The following TBCA variants were observed in gnomAD, a reference collection of about 807,000 sequenced individuals.
TBCA encodes tubulin-specific chaperone A.
In TBCA, 6 loss-of-function variants were observed where a neutral mutation model predicts 15.8. That is an observed-to-expected ratio of 0.38 (90% CI 0.21 to 0.75). The LOEUF (loss-of-function observed/expected upper bound fraction) is 0.75, where lower values mean the gene tolerates loss of function less well. Among genes scored for constraint, TBCA ranks in the 30% least tolerant of loss-of-function variants. The pLI is 0.46. For synonymous variants in TBCA, 32 were observed against 42.3 expected, an observed-to-expected ratio of 0.76 and a Z score of 0.94; for missense variants, 90 against 131.2, an observed-to-expected ratio of 0.69 and a Z score of 1.53.
At chr5:77,712,705 T>C (rs930677498) in intron 1 of TBCA, among the ~76,000 whole-genome samples, 27 of 152,308 alleles carry the variant, frequency 1.8e-4, no homozygotes, top group Non-Finnish European at 3.7e-4. Context: ...AGCAGCAAAG[T>C]GTAACCTCAA....
chr5:77,764,624 G>A (rs1475106591), intron 1 of TBCA, among the ~76,000 whole-genome samples: 2 of 152,094 alleles, frequency 1.3e-5, no homozygotes. Context: ...TATATATTTG[G>A]GGAAATGTTT....
chr5:77,714,883 G>A lies in TBCA; in HGVS notation c.54-6536C>T, dbSNP rs573124956. On this transcript the variant is annotated intron_variant, in intron 1 of 3. Transcript: ENST00000380377. ...ACCCGGCCAACAATTATTTATTAAA[G>A]GGCTACTATGTGCCAGGTATGATTT... Among the ~76,000 whole-genome samples, 8 of 152,224 alleles carry A rather than the reference G, an allele frequency of 5.3e-5. No individual in the cohort carries two copies. The South Asian group carries it at 1.7e-3, about 32-fold the overall frequency.
At chr5:77,731,507 T>C (rs1266751398) in intron 1 of TBCA, among the ~76,000 whole-genome samples, 2 of 152,220 alleles carry the variant, frequency 1.3e-5, no homozygotes, top group African/African-American at 4.8e-5. Flanking sequence ...TTAAGTGTCA[T>C]CCAATCCTAT....
At chr5:77,696,918 C>G (rs1745884743) in intron 2 of TBCA, among the ~76,000 whole-genome samples, 1 of 152,008 alleles carries the variant, frequency 6.6e-6, no homozygotes, top group Non-Finnish European at 1.5e-5. Flanking sequence ...GACCTTGCCT[C>G]TAAAAAGCCA....
chr5:77,773,639 T>G lies in TBCA; in HGVS notation c.53+2566A>C, dbSNP rs369491806. Reference sequence around the variant, plus strand: ...GCTGTGCATTTAACTCCTACTCACATGGTCTCCTTATTGCCTTGGCAATAA... The same window carrying G: ...GCTGTGCATTTAACTCCTACTCACAGGGTCTCCTTATTGCCTTGGCAATAA... On this transcript the variant is annotated intron_variant, in intron 1 of 3. Coordinates refer to ENST00000380377, the MANE Select transcript of TBCA (RefSeq NM_004607.3). Among the ~76,000 whole-genome samples, 123 of 152,366 alleles carry G rather than the reference T, an allele frequency of 8.1e-4. 1 individual carries two copies. In the South Asian group the frequency reaches 0.019, roughly 23 times the overall value.
At chr5:77,756,005 C>T (rs1397767628) in intron 1 of TBCA, among the ~76,000 whole-genome samples, 1 of 151,974 alleles carries the variant, frequency 6.6e-6, no homozygotes, top group Non-Finnish European at 1.5e-5. Context: ...AACTTTATCT[C>T]AAAAAACAAC....
intron 1 of TBCA, among the ~76,000 whole-genome samples, chr5:77,712,575 T>TA (rs1022674121): frequency 2.0e-5 from 3 of 152,014 alleles, no homozygotes; most frequent in East Asian, 3.8e-4. Context: ...TAAAAAATTA[T>TA]AAAAAAACAA....
chr5:77,707,321 T>G (rs1422807242), intron 2 of TBCA, among the ~76,000 whole-genome samples: 1 of 152,146 alleles, frequency 6.6e-6, no homozygotes, highest in Non-Finnish European at 1.5e-5. Flanking sequence ...TGAGAATGAA[T>G]GTTCAATATA....
At chr5:77,760,570 G>A (rs903027573) in intron 1 of TBCA, among the ~76,000 whole-genome samples, 9 of 152,218 alleles carry the variant, frequency 5.9e-5, no homozygotes, top group African/African-American at 9.6e-5. Flanking sequence ...TTACAGGCAC[G>A]CGCCACCACG....
intron 1 of TBCA, among the ~76,000 whole-genome samples, chr5:77,765,896 A>G (rs959403385): frequency 1.1e-4 from 16 of 151,666 alleles, no homozygotes; most frequent in East Asian, 1.9e-4. Flanking sequence ...AAAAAAAAAA[A>G]AAAAGAAAAC....
chr5:77,728,502 C>A (rs1001207756), intron 1 of TBCA, among the ~76,000 whole-genome samples: 1 of 151,852 alleles, frequency 6.6e-6, no homozygotes, highest in African/African-American at 2.4e-5. Context: ...AGGAAAGAAC[C>A]ATGTAAACCA....
intron 1 of TBCA, among the ~76,000 whole-genome samples, chr5:77,734,509 A>C (rs1196376090): frequency 6.6e-6 from 1 of 152,208 alleles, no homozygotes; most frequent in Non-Finnish European, 1.5e-5. Flanking sequence ...GTCACTGTAG[A>C]TGTGGTAGAA....
At chr5:77,756,210 A>T (rs1747473827) in intron 1 of TBCA, among the ~76,000 whole-genome samples, 2 of 151,924 alleles carry the variant, frequency 1.3e-5, no homozygotes, top group African/African-American at 2.4e-5. Flanking sequence ...AGTCATTTCC[A>T]CCCTCCTACG....
intron 1 of TBCA, among the ~76,000 whole-genome samples, chr5:77,710,401 A>G (rs957021853): frequency 3.3e-5 from 5 of 152,254 alleles, no homozygotes; most frequent in Non-Finnish European, 7.3e-5. Context: ...TGCATATCAC[A>G]AAAGATATTT....
intron 1 of TBCA, among the ~76,000 whole-genome samples, chr5:77,750,139 T>TCTCC: frequency 7.0e-6 from 1 of 143,000 alleles, no homozygotes. Flanking sequence ...GTGCTCTCTC[T>TCTCC]CTATATATAT....
intron 1 of TBCA, among the ~76,000 whole-genome samples, chr5:77,724,399 C>T (rs1052865786): frequency 6.6e-6 from 1 of 152,034 alleles, no homozygotes; most frequent in Non-Finnish European, 1.5e-5. Context: ...TCAACACACA[C>T]CTATATTTTA....
intron 1 of TBCA, among the ~76,000 whole-genome samples, chr5:77,719,988 C>G (rs1056252506): frequency 2.6e-5 from 4 of 152,134 alleles, no homozygotes; most frequent in African/African-American, 9.7e-5. Context: ...ACAAATCTGT[C>G]TGTACATTTG....
chr5:77,731,579 T>C (rs1194124281), intron 1 of TBCA, among the ~76,000 whole-genome samples: 1 of 152,214 alleles, frequency 6.6e-6, no homozygotes, highest in East Asian at 1.9e-4. Context: ...GCAGTGTTCA[T>C]CTCTTTCTTA....
intron 1 of TBCA, among the ~76,000 whole-genome samples, chr5:77,748,582 TA>T (rs1451053315): frequency 6.6e-6 from 1 of 152,112 alleles, no homozygotes; most frequent in Non-Finnish European, 1.5e-5. Context: ...GTTCTTATCT[TA>T]AAATTTACAA....
Sources: allele counts gnomAD v4.1 joint callset (sites outside exome capture counted in the v4.1 genomes callset), GRCh38; gene constraint gnomAD v4.1.1; transcripts MANE v1.5; gene names NCBI Gene and HGNC (gene_info 2026-07-23, HGNC 2026-07-21).